Variants in RGS6 observed in about 807,000 individuals in gnomAD.
The protein encoded by RGS6 is regulator of G-protein signaling 6.
A neutral mutation model predicts 78.5 loss-of-function variants in RGS6; 30 were observed. The ratio of observed to expected loss-of-function variants is 0.38; its 90% CI spans 0.29 to 0.52. The LOEUF (loss-of-function observed/expected upper bound fraction) is 0.52, where lower values mean the gene tolerates loss of function less well. Ranked by LOEUF, RGS6 falls within the 20% of genes least tolerant of loss-of-function variation. The pLI, the probability that RGS6 is intolerant of heterozygous loss-of-function variation, is 0.85. For missense variants in RGS6, 495 were observed against 609.7 expected (o/e 0.81, Z 1.98); for synonymous variants, 206 against 206.0 (o/e 1.00, Z 0.00).
chr14:72,229,185 T>C (rs1389649663), intron 2 of RGS6, among the ~76,000 whole-genome samples: 2 of 152,188 alleles, frequency 1.3e-5, no homozygotes, highest in African/African-American at 2.4e-5. Flanking sequence ...AATTGTATGA[T>C]TTATGAGCAA....
intron 2 of RGS6, among the ~76,000 whole-genome samples, chr14:72,032,120 CT>C (rs2090997690): frequency 6.6e-6 from 1 of 152,186 alleles, no homozygotes; most frequent in African/African-American, 2.4e-5. Flanking sequence ...GAGACCACAC[CT>C]TTTTTTCAGT....
chr14:72,580,258 G>A, the RGS6 span, among the ~76,000 whole-genome samples: 1 of 150,156 alleles, frequency 6.7e-6, no homozygotes, highest in African/African-American at 2.5e-5. Flanking sequence ...GTCCTGCCTT[G>A]TGACTCAGAG....
chr14:72,023,747 T>G (rs2089239838), intron 2 of RGS6, among the ~76,000 whole-genome samples: 2 of 152,168 alleles, frequency 1.3e-5, no homozygotes, highest in South Asian at 4.1e-4. Context: ...AACAGAACAT[T>G]TCACTTGATA....
At chr14:71,942,002 C>T (rs970876247) in intron 1 of RGS6, among the ~76,000 whole-genome samples, 2 of 152,164 alleles carry the variant, frequency 1.3e-5, no homozygotes, top group Non-Finnish European at 2.9e-5. Flanking sequence ...CCAAAATATA[C>T]CTGCCAATAG....
intron 2 of RGS6, among the ~76,000 whole-genome samples, chr14:72,268,939 G>A (rs2059489317): frequency 6.6e-6 from 1 of 152,196 alleles, no homozygotes; most frequent in African/African-American, 2.4e-5. Flanking sequence ...GTAACACACT[G>A]CTGGCAATTC....
At chr14:72,007,941 A>C (rs41389946) in intron 2 of RGS6, among the ~76,000 whole-genome samples, 9,106 of 152,264 alleles carry the variant, frequency 0.06, 627 homozygotes, top group East Asian at 0.21. Flanking sequence ...TTGGACCACC[A>C]AGTGTCAACA....
At chr14:71,968,435 T>A (rs1365206883) in intron 2 of RGS6, among the ~76,000 whole-genome samples, 1 of 152,204 alleles carries the variant, frequency 6.6e-6, no homozygotes, top group Non-Finnish European at 1.5e-5. Context: ...TGAATTAGAT[T>A]TTTGATTTCA....
intron 2 of RGS6, among the ~76,000 whole-genome samples, chr14:72,098,504 T>C (rs1038334415): frequency 6.6e-6 from 1 of 152,232 alleles, no homozygotes; most frequent in Non-Finnish European, 1.5e-5. Flanking sequence ...CATTGTTCTT[T>C]TTTAGCTTAA....
rs538477980 is a variant in RGS6 at position 72,336,862 on chromosome 14, C to G, written c.85-15233C>G. On this transcript the variant is annotated intron_variant, in intron 2 of 17. Transcript: ENST00000553525. ...CTCTGGCCTGTAGATGACTTTGCCC[C>G]CTGTGTTTCTTCACAGTATCTTCCC... 2.6e-5 allele frequency among the ~76,000 whole-genome samples: 4 copies of G among 152,114 alleles called. No individual in the cohort carries two copies. In the South Asian group the frequency reaches 8.4e-4, roughly 32 times the overall value.
intron 2 of RGS6, among the ~76,000 whole-genome samples, chr14:72,088,583 C>T (rs2095145057): frequency 6.6e-6 from 1 of 152,122 alleles, no homozygotes; most frequent in Admixed American, 6.5e-5. Flanking sequence ...TTTTTCTGCT[C>T]CCTTTATGCC....
chr14:72,350,035 G>C (rs903192567), intron 2 of RGS6, among the ~76,000 whole-genome samples: 1 of 152,184 alleles, frequency 6.6e-6, no homozygotes. Context: ...GCTCTAAATT[G>C]TTGGATTGAG....
At chr14:72,340,752 A>T (rs1482295224) in intron 2 of RGS6, among the ~76,000 whole-genome samples, 1 of 152,178 alleles carries the variant, frequency 6.6e-6, no homozygotes, top group African/African-American at 2.4e-5. Context: ...GAGACTGTGA[A>T]AGGCTCTCTC....
chr14:72,142,002 CT>C (rs2096546753), intron 2 of RGS6, among the ~76,000 whole-genome samples: 1 of 152,090 alleles, frequency 6.6e-6, no homozygotes, highest in African/African-American at 2.4e-5. Context: ...TGACCCCTCT[CT>C]TGAGGCTTAC....
At chr14:72,152,499 C>T (rs758543) in intron 2 of RGS6, among the ~76,000 whole-genome samples, 26,948 of 152,086 alleles carry the variant, frequency 0.18, 2,471 homozygotes, top group African/African-American at 0.19. Context: ...CCACTTGGTT[C>T]AGCTCTGTAA....
chr14:72,321,460 T>C (rs1228710794), intron 2 of RGS6, among the ~76,000 whole-genome samples: 1 of 151,974 alleles, frequency 6.6e-6, no homozygotes, highest in Non-Finnish European at 1.5e-5. Context: ...ATACCCCATA[T>C]ATACCTAAAG....
chr14:72,252,724 G>A (rs2056110748), intron 2 of RGS6, among the ~76,000 whole-genome samples: 2 of 152,174 alleles, frequency 1.3e-5, no homozygotes, highest in Admixed American at 1.3e-4. Flanking sequence ...GTCATGATGG[G>A]GGGAGGGGTG....
At chr14:72,522,549 G>A (rs1030988154) in intron 15 of RGS6, among the ~76,000 whole-genome samples, 23 of 152,142 alleles carry the variant, frequency 1.5e-4, no homozygotes, top group African/African-American at 5.1e-4. Context: ...ACAACTATTC[G>A]ATTCTGCATA....
intron 2 of RGS6, among the ~76,000 whole-genome samples, chr14:72,198,010 CTCT>C (rs1268532578): frequency 3.0e-4 from 46 of 151,774 alleles, no homozygotes; most frequent in African/African-American, 1.0e-3. Flanking sequence ...TATCTCAGTC[CTCT>C]TCAGTATAAT....
intron 7 of RGS6, 61 bp downstream of exon 7, chr14:72,465,883 C>T (rs370580043): frequency 9.5e-5 from 128 of 1,342,406 alleles, no homozygotes; most frequent in Admixed American, 3.6e-4. Flanking sequence ...TCTGCAGCTC[C>T]GTCTAAGTTT....
Sources: gnomAD v4.1 joint callset for allele counts (sites outside exome capture counted in the v4.1 genomes callset) on GRCh38, gnomAD v4.1.1 for gene constraint, MANE v1.5 for transcripts, NCBI Gene and HGNC (gene_info 2026-07-23, HGNC 2026-07-21) for gene names.